TAFA2: variants seen among roughly 807,000 people sequenced by gnomAD.
The protein encoded by TAFA2 is chemokine-like protein TAFA-2.
Under a neutral mutation model 18.8 loss-of-function variants are expected in TAFA2, and 7 were observed. The observed-to-expected ratio is 0.37, with a 90% CI of 0.21 to 0.70. TAFA2 has a LOEUF of 0.70. Among genes scored for constraint, TAFA2 ranks in the 30% least tolerant of loss-of-function variants. The pLI, the probability that TAFA2 is intolerant of heterozygous loss-of-function variation, is 0.53. For missense variants in TAFA2, 122 were observed against 158.1 expected (o/e 0.77, Z 1.23); for synonymous variants, 60 against 54.2 (o/e 1.11, Z -0.47).
intron 2 of TAFA2, among the ~76,000 whole-genome samples, chr12:61,855,652 T>C (rs1225835005): frequency 6.6e-6 from 1 of 152,110 alleles, no homozygotes; most frequent in Non-Finnish European, 1.5e-5. Context: ...TAAAAATAAA[T>C]ATATATTTTT....
chr12:61,981,153 G>T (rs370677865), intron 1 of TAFA2, among the ~76,000 whole-genome samples: 68 of 151,990 alleles, frequency 4.5e-4, no homozygotes, highest in African/African-American at 1.5e-3. Flanking sequence ...AAATAACACC[G>T]CACATCTACA....
chr12:61,888,123 C>T (rs1440833765), intron 1 of TAFA2, among the ~76,000 whole-genome samples: 1 of 152,088 alleles, frequency 6.6e-6, no homozygotes, highest in Non-Finnish European at 1.5e-5. Context: ...CACTTTTACA[C>T]TGTTGGTGGG....
chr12:61,821,040 A>T (rs1872299250), intron 2 of TAFA2, among the ~76,000 whole-genome samples: 1 of 151,768 alleles, frequency 6.6e-6, no homozygotes, highest in Non-Finnish European at 1.5e-5. Context: ...TTGTTTGCAC[A>T]CATTAGGCAT....
At chr12:62,246,136 G>A (rs1247187871) in intron 1 of TAFA2, among the ~76,000 whole-genome samples, 1 of 151,960 alleles carries the variant, frequency 6.6e-6, no homozygotes, top group Non-Finnish European at 1.5e-5. Context: ...ACAGGCGCCC[G>A]CCACAATGCC....
At chr12:62,102,998 T>C (rs2136852554) in intron 1 of TAFA2, among the ~76,000 whole-genome samples, 1 of 152,352 alleles carries the variant, frequency 6.6e-6, no homozygotes, top group African/African-American at 2.4e-5. Flanking sequence ...CTTCTCTTTC[T>C]ACAGCACATC....
intron 1 of TAFA2, among the ~76,000 whole-genome samples, chr12:62,229,215 C>G (rs1435354829): frequency 6.6e-6 from 1 of 151,882 alleles, no homozygotes; most frequent in East Asian, 1.9e-4. Context: ...TTTTTCTTGC[C>G]TAATTGCTCC....
At chr12:62,249,889 T>G (rs2062904324) in intron 1 of TAFA2, among the ~76,000 whole-genome samples, 1 of 152,138 alleles carries the variant, frequency 6.6e-6, no homozygotes, top group African/African-American at 2.4e-5. Context: ...TCACAGCGGG[T>G]TTGGATTACA....
At chr12:61,857,959 G>T (rs1164463429) in intron 2 of TAFA2, among the ~76,000 whole-genome samples, 1 of 152,222 alleles carries the variant, frequency 6.6e-6, no homozygotes, top group Non-Finnish European at 1.5e-5. Flanking sequence ...GAAGTGGTAA[G>T]GTAGGGTACT....
At chr12:61,771,637 C>G (rs2120844787) in intron 2 of TAFA2, among the ~76,000 whole-genome samples, 1 of 151,910 alleles carries the variant, frequency 6.6e-6, no homozygotes, top group South Asian at 2.1e-4. Flanking sequence ...ATTGTTGAGT[C>G]AACAATGAAA....
chr12:61,859,838 C>G (rs183154509), intron 2 of TAFA2, among the ~76,000 whole-genome samples: 1 of 152,258 alleles, frequency 6.6e-6, no homozygotes, highest in African/African-American at 2.4e-5. Context: ...GAGGGGCTGA[C>G]GACATTCTAA....
chr12:61,834,301 C>T (rs1032384489), intron 2 of TAFA2, among the ~76,000 whole-genome samples: 1 of 151,976 alleles, frequency 6.6e-6, no homozygotes, highest in Non-Finnish European at 1.5e-5. Context: ...AAAATCTGGC[C>T]GCATAAGCAG....
rs567188589 is a variant in TAFA2 at position 61,716,261 on chromosome 12, A to G, written c.385-5844T>C. Among the ~76,000 whole-genome samples the G allele has an allele frequency of 3.3e-5, 5 of 152,104 alleles. No individual in the cohort carries two copies. In the South Asian group the frequency reaches 1.0e-3, roughly 32 times the overall value. On this transcript the variant is annotated intron_variant, in intron 4 of 4. Coordinates refer to ENST00000416284, the MANE Select transcript of TAFA2 (RefSeq NM_178539.5). Reference sequence around the variant, plus strand: ...CTAGTCTTCTCTGATACAGAATTCCATTTTTTTCTAACTCTTTGTCTTTCT... The same window carrying G: ...CTAGTCTTCTCTGATACAGAATTCCGTTTTTTTCTAACTCTTTGTCTTTCT...
At chr12:61,751,514 G>T (rs1274441539) in intron 4 of TAFA2, among the ~76,000 whole-genome samples, 1 of 151,970 alleles carries the variant, frequency 6.6e-6, no homozygotes, top group Non-Finnish European at 1.5e-5. Context: ...GGGAGTGACA[G>T]ACTCTTAGAA....
chr12:61,913,405 C>T (rs1876693315), intron 1 of TAFA2, among the ~76,000 whole-genome samples: 1 of 152,122 alleles, frequency 6.6e-6, no homozygotes, highest in African/African-American at 2.4e-5. Context: ...CCAATAATCC[C>T]TGAAGGTAAC....
chr12:61,991,898 T>C (rs1318866159), intron 1 of TAFA2, among the ~76,000 whole-genome samples: 1 of 152,226 alleles, frequency 6.6e-6, no homozygotes, highest in Non-Finnish European at 1.5e-5. Flanking sequence ...ACATTACTGA[T>C]GACTTCCTGC....
At chr12:62,013,536 A>G (rs904614690) in intron 1 of TAFA2, among the ~76,000 whole-genome samples, 2 of 152,212 alleles carry the variant, frequency 1.3e-5, no homozygotes, top group Non-Finnish European at 1.5e-5. Flanking sequence ...ATTAAACACT[A>G]CACACATCAT....
rs1321767118 is a variant in TAFA2, at chr12:62,033,967, T to C, written c.-2+157292A>G. Reference sequence around the variant, plus strand: ...AAATGCAATTTTTGTAGTTCAAAAATGGCTGAATCTTGGCAATTTCATGTG... The same window carrying C: ...AAATGCAATTTTTGTAGTTCAAAAACGGCTGAATCTTGGCAATTTCATGTG... On this transcript the variant is annotated intron_variant, in intron 1 of 4. Transcript: ENST00000416284. Among the ~76,000 whole-genome samples, 3 of 152,314 alleles carry C rather than the reference T, an allele frequency of 2.0e-5. No individual in the cohort carries two copies. In the East Asian group the frequency reaches 5.8e-4, roughly 29 times the overall value.
chr12:61,829,767 T>A (rs982205458), intron 2 of TAFA2, among the ~76,000 whole-genome samples: 3 of 151,686 alleles, frequency 2.0e-5, no homozygotes, highest in Non-Finnish European at 3.0e-5. Flanking sequence ...CTCTGTAGGA[T>A]TATTTACTTT....
chr12:62,108,744 T>G (rs2136862083), intron 1 of TAFA2, among the ~76,000 whole-genome samples: 2 of 152,350 alleles, frequency 1.3e-5, no homozygotes, highest in Non-Finnish European at 2.9e-5. Flanking sequence ...CCAGTGATGG[T>G]GAGTTTTTTT....
Sources: allele counts gnomAD v4.1 joint callset (sites outside exome capture counted in the v4.1 genomes callset), GRCh38; gene constraint gnomAD v4.1.1; transcripts MANE v1.5; gene names NCBI Gene and HGNC (gene_info 2026-07-23, HGNC 2026-07-21).